The following WDR1 variants were observed in gnomAD, a reference collection of about 807,000 sequenced individuals.
The protein encoded by WDR1 is WD repeat-containing protein 1.
A neutral mutation model predicts 71.9 loss-of-function variants in WDR1; 21 were observed. The ratio of observed to expected loss-of-function variants is 0.29; its 90% CI spans 0.21 to 0.42. WDR1 has a LOEUF of 0.42. Ranked by LOEUF, WDR1 falls within the 10% of genes least tolerant of loss-of-function variation. WDR1 has a pLI of 1.00. For missense variants in WDR1, 696 were observed against 824.5 expected (o/e 0.84, Z 1.91); for synonymous variants, 424 against 347.4 (o/e 1.22, Z -2.45).
chr4:10,082,788 G>A (rs1031470433), intron 10 of WDR1, among the ~76,000 whole-genome samples: 12 of 152,212 alleles, frequency 7.9e-5, no homozygotes, highest in Non-Finnish European at 2.9e-5. Context: ...TGCTTCCAGG[G>A]CAGAGTCCAC....
chr4:10,099,729 C>A (rs1290948273), intron 3 of WDR1, among the ~76,000 whole-genome samples: 1 of 152,252 alleles, frequency 6.6e-6, no homozygotes, highest in Non-Finnish European at 1.5e-5. Context: ...GTGCAGCTTC[C>A]CAACAGCGTG....
At chr4:10,093,356 C>T (rs1167133641) in intron 5 of WDR1, among the ~76,000 whole-genome samples, 7 of 152,252 alleles carry the variant, frequency 4.6e-5, no homozygotes, top group African/African-American at 1.2e-4. Flanking sequence ...CGGGCCTCCA[C>T]GACCCTTGGT....
intron 5 of WDR1, among the ~76,000 whole-genome samples, chr4:10,093,389 T>C (rs1391459884): frequency 1.3e-5 from 2 of 152,148 alleles, no homozygotes; most frequent in East Asian, 1.9e-4. Context: ...CCAAAACACC[T>C]TTACACCGTG....
intron 9 of WDR1, among the ~76,000 whole-genome samples, chr4:10,083,783 A>G (rs974385109): frequency 6.6e-6 from 1 of 152,242 alleles, no homozygotes; most frequent in Non-Finnish European, 1.5e-5. Context: ...GGGTGTCACC[A>G]GCCCCAGGCC....
At chr4:10,094,250 C>T (rs1035947200) in intron 5 of WDR1, among the ~76,000 whole-genome samples, 33 of 152,356 alleles carry the variant, frequency 2.2e-4, no homozygotes, top group Middle Eastern at 3.4e-3. Context: ...ACCACCAACT[C>T]CTGGGACCTA....
In WDR1 at chr4:10,075,020, C is replaced by T. The variant is rs922959572; in HGVS notation, c.*358G>A. 1 of 356,536 alleles carries T rather than the reference C, an allele frequency of 2.8e-6. No homozygotes were observed. The allele number at this position is 356,536 out of a possible 1,614,324, so 22.1% of individuals were successfully genotyped here. A position where few individuals can be genotyped will look rare whatever the true frequency, so the allele number is the denominator to read the frequency against. Reference sequence around the variant, plus strand: ...CCCCCCGGCTCATTCACCTGTACAACCTCCCCTGACAGATAGTGAGAGCCG... The same window carrying T: ...CCCCCCGGCTCATTCACCTGTACAATCTCCCCTGACAGATAGTGAGAGCCG... On this transcript the variant is annotated 3_prime_UTR_variant, in exon 15 of 15. Transcript: ENST00000499869.
rs934583385 is a variant in WDR1 at position 10,097,697 on chromosome 4, G to GT, written c.558+13dup. On this transcript the variant is annotated intron_variant, in intron 5 of 14. Coordinates refer to ENST00000499869, the MANE Select transcript of WDR1 (RefSeq NM_017491.5). The stretch of plus-strand genomic sequence containing the variant: ...ACAAACCACAAATTTCACCCAAAAA[G>GT]TAAGTTCACTTACGCCAATTGTGAA... The GT allele has an allele frequency of 1.2e-6, 2 of 1,602,412 alleles. No homozygotes were observed. The highest frequency in any genetic ancestry group is 1.7e-6 in the Non-Finnish European group (2 of 1,171,558).
At chr4:10,107,641 C>G (rs1360861772) in intron 2 of WDR1, among the ~76,000 whole-genome samples, 2 of 152,196 alleles carry the variant, frequency 1.3e-5, no homozygotes, top group Non-Finnish European at 2.9e-5. Flanking sequence ...CCCCAGTGGC[C>G]TCCACACCTG....
intron 9 of WDR1, chr4:10,083,575 C>A (rs549957697): frequency 2.1e-5 from 10 of 476,806 alleles, no homozygotes; most frequent in African/African-American, 1.8e-4. Context: ...TCCTTGGGTC[C>A]CGGACAGTCC....
intron 3 of WDR1, among the ~76,000 whole-genome samples, chr4:10,102,071 C>T (rs924520958): frequency 1.3e-5 from 2 of 152,038 alleles, no homozygotes; most frequent in African/African-American, 4.8e-5. Context: ...CTCAGCTGAC[C>T]GCCAACAGCA....
chr4:10,079,579 G>A (rs1764937423), intron 11 of WDR1, among the ~76,000 whole-genome samples: 2 of 152,206 alleles, frequency 1.3e-5, no homozygotes, highest in South Asian at 4.1e-4. Context: ...TCTGCAGCGG[G>A]GGCCTTCCTT....
chr4:10,102,758 G>A (rs1253134541), intron 3 of WDR1, among the ~76,000 whole-genome samples: 2 of 152,162 alleles, frequency 1.3e-5, no homozygotes, highest in Non-Finnish European at 2.9e-5. Context: ...GATGGTACAA[G>A]CATAGGGCCA....
chr4:10,076,680 G>C (rs1764807788), intron 14 of WDR1: 1 of 152,246 alleles, frequency 6.6e-6, no homozygotes, highest in African/African-American at 2.4e-5. Flanking sequence ...TTTTAAATAG[G>C]AAAGGGCCCC....
chr4:10,090,773 C>G (rs558066951), intron 5 of WDR1, among the ~76,000 whole-genome samples: 1 of 152,230 alleles, frequency 6.6e-6, no homozygotes, highest in Non-Finnish European at 1.5e-5. Context: ...CACATTCTGA[C>G]AAGGGGAGTC....
chr4:10,103,485 G>A (rs1712829155), intron 3 of WDR1, among the ~76,000 whole-genome samples: 1 of 152,112 alleles, frequency 6.6e-6, no homozygotes, highest in African/African-American at 2.4e-5. Flanking sequence ...TTTTGAAAAG[G>A]GGCATTTTGG....
chr4:10,081,471 C>T lies in WDR1; in HGVS notation c.1197-27G>A, dbSNP rs755753928. On this transcript the variant is annotated intron_variant, in intron 10 of 14. Transcript: ENST00000499869. ...TGTTAGAGAGAAAGGAAGCACATTA[C>T]TTCGACAATGCAGCAGCTCAGGGTA... is the stretch of plus-strand genomic sequence containing the variant. The T allele has an allele frequency of 3.1e-6, 5 of 1,607,412 alleles. No individual in the cohort carries two copies. The African/African-American group carries it at 6.7e-5, about 21-fold the overall frequency.
Position 10,078,914 on chromosome 4 carries a change from C to A in WDR1, c.1372G>T (p.Asp458Tyr). ...PEVVAVHPGGDTVAIGGVDGN... is the reference protein window; with the variant it reads ...PEVVAVHPGGYTVAIGGVDGN... ...ACCACACCCCCAATTGCCACCGTGT[C>A]CCCGCCGGGGTGCACTGCCACAACT... The change falls in exon 12 of 15, where the codon GAC becomes TAC. Residue 458 changes from aspartate (D) to tyrosine (Y), a missense_variant. Transcript: ENST00000499869. 1.2e-6 allele frequency: 2 copies of A among 1,612,814 alleles called. No homozygotes were observed. Among genetic ancestry groups the A allele is most frequent in the Non-Finnish European group, 1.7e-6 (2 of 1,179,292 alleles).
intron 6 of WDR1, 142 bp from the exon 7 acceptor site, chr4:10,088,515 T>C (rs1387958580): frequency 8.9e-7 from 1 of 1,124,110 alleles, no homozygotes; most frequent in Non-Finnish European, 1.3e-6. Context: ...ATGCATTTAC[T>C]GGGCTCTGAC....
At chr4:10,105,054 C>A (rs997617304) in intron 2 of WDR1, among the ~76,000 whole-genome samples, 2 of 152,250 alleles carry the variant, frequency 1.3e-5, no homozygotes, top group Non-Finnish European at 2.9e-5. Flanking sequence ...AGCTCCACGT[C>A]TGTGTGTAGT....
Sources: allele counts gnomAD v4.1 joint callset (sites outside exome capture counted in the v4.1 genomes callset), GRCh38; gene constraint gnomAD v4.1.1; transcripts MANE v1.5; gene names NCBI Gene and HGNC (gene_info 2026-07-23, HGNC 2026-07-21).